TBC1D4: variants seen among roughly 807,000 people sequenced by gnomAD.
The protein encoded by TBC1D4 is TBC (Tre-2, BUB2, CDC16) domain-containing protein.
TBC1D4 carries 121 observed loss-of-function variants against 142.5 expected under a neutral mutation model. The ratio of observed to expected loss-of-function variants is 0.85; its 90% CI spans 0.73 to 0.99. The LOEUF is 0.99. Among genes scored for constraint, TBC1D4 ranks in the 50% least tolerant of loss-of-function variants. The pLI, the probability that TBC1D4 is intolerant of heterozygous loss-of-function variation, is 0.00. For synonymous variants in TBC1D4, 630 were observed against 628.2 expected, an observed-to-expected ratio of 1.00 and a Z score of -0.04; for missense variants, 1,475 against 1,606.6, an observed-to-expected ratio of 0.92 and a Z score of 1.40.
intron 1 of TBC1D4, among the ~76,000 whole-genome samples, chr13:75,399,423 C>T (rs1472459694): frequency 2.0e-5 from 3 of 152,102 alleles, no homozygotes; most frequent in Non-Finnish European, 4.4e-5. Flanking sequence ...GTCTACTGGG[C>T]TTATATCATC....
chr13:75,446,205 A>G (rs1887277243), intron 1 of TBC1D4, among the ~76,000 whole-genome samples: 1 of 152,204 alleles, frequency 6.6e-6, no homozygotes, highest in Non-Finnish European at 1.5e-5. Context: ...CCCATATGCT[A>G]TTTGCTGGAA....
At chr13:75,340,061 T>C (rs1273870813) in intron 7 of TBC1D4, among the ~76,000 whole-genome samples, 2 of 152,242 alleles carry the variant, frequency 1.3e-5, no homozygotes, top group Non-Finnish European at 2.9e-5. Flanking sequence ...CTTTATTCTA[T>C]GTATCTATTG....
chr13:75,422,053 C>A (rs1262184325), intron 1 of TBC1D4, among the ~76,000 whole-genome samples: 1 of 152,172 alleles, frequency 6.6e-6, no homozygotes, highest in Non-Finnish European at 1.5e-5. Flanking sequence ...CTTGGCCTCC[C>A]AAAGTGCCGA....
Position 75,481,644 on chromosome 13 carries a change from C to A in TBC1D4, c.124G>T (p.Gly42Trp). Residue 42 changes from glycine to tryptophan, a missense_variant, in exon 1 of 21, where the codon GGG becomes TGG. Physicochemically the swap from Gly to Trp is radical, Grantham distance 184. This residue lies in a region of TBC1D4 where 1,227 missense variants were observed against 1,267.7 expected (regional missense o/e 0.97). Coordinates refer to ENST00000377636, the MANE Select transcript of TBC1D4 (RefSeq NM_014832.5). ...GTCCTGTGGTCCAGGCACGACCCCC[C>A]AACGTACCACAGCCGGAACCGCTTA... ...SDKRFRLWYV[G>W]GSCLDHRTTL... 6.2e-7 allele frequency: 1 copy of A among 1,605,062 alleles called. No homozygotes were observed. Among genetic ancestry groups the A allele is most frequent in the Non-Finnish European group, 8.5e-7 (1 of 1,175,890 alleles).
chr13:75,432,933 C>G (rs1275857782), intron 1 of TBC1D4, among the ~76,000 whole-genome samples: 1 of 145,812 alleles, frequency 6.9e-6, no homozygotes, highest in Non-Finnish European at 1.5e-5. Flanking sequence ...CAGACCGAGA[C>G]TGACTCAAAA....
intron 1 of TBC1D4, among the ~76,000 whole-genome samples, chr13:75,442,238 C>A (rs1189578175): frequency 6.6e-6 from 1 of 152,130 alleles, no homozygotes. Flanking sequence ...ACCTCAGTTT[C>A]TTCATCTGTG....
At chr13:75,457,568 A>G (rs1887789867) in intron 1 of TBC1D4, among the ~76,000 whole-genome samples, 1 of 152,256 alleles carries the variant, frequency 6.6e-6, no homozygotes, top group Non-Finnish European at 1.5e-5. Flanking sequence ...CTCTCAAAGT[A>G]GGAACCGGAG....
Position 75,362,241 on chromosome 13 carries a change from G to GGGCA in TBC1D4, c.861_864dup (p.Leu289CysfsTer11). On this transcript the variant is annotated frameshift_variant, in exon 2 of 21. Transcript: ENST00000377636. LOFTEE classifies it high-confidence loss of function. The surrounding 1 kb of genome is among the most constrained non-coding windows in gnomAD (Gnocchi z 4.2). Reference sequence around the variant, plus strand: ...GGGAAGCAGACCCGAGAGCTGGTCAGGGCAGGCTGGCTGGCCCCGGCAGGT... The same window carrying GGGCA: ...GGGAAGCAGACCCGAGAGCTGGTCAGGGCAGGCAGGCTGGCTGGCCCCGGCAGGT... The GGGCA allele has an allele frequency of 6.2e-7, 1 of 1,613,876 alleles. No homozygotes were observed. The highest frequency in any genetic ancestry group is 1.1e-5 in the South Asian group (1 of 91,090).
intron 1 of TBC1D4, among the ~76,000 whole-genome samples, chr13:75,372,729 T>C (rs1223824954): frequency 6.6e-6 from 1 of 152,208 alleles, no homozygotes; most frequent in Non-Finnish European, 1.5e-5. Context: ...GTTTATAAAA[T>C]ATTATTACTA....
chr13:75,363,673 C>G (rs1006252964), intron 1 of TBC1D4, among the ~76,000 whole-genome samples: 2 of 152,178 alleles, frequency 1.3e-5, no homozygotes, highest in African/African-American at 4.8e-5. Flanking sequence ...CCTAACCACC[C>G]TGGGGACATG....
intron 1 of TBC1D4, among the ~76,000 whole-genome samples, chr13:75,474,087 A>C (rs529136553): frequency 5.9e-5 from 9 of 152,370 alleles, no homozygotes; most frequent in Admixed American, 5.2e-4. Flanking sequence ...TAAAATGGAA[A>C]GTACATACTG....
At chr13:75,287,887 G>A (rs1453356511) in intron 20 of TBC1D4, among the ~76,000 whole-genome samples, 1 of 152,030 alleles carries the variant, frequency 6.6e-6, no homozygotes, top group East Asian at 1.9e-4. Flanking sequence ...GGAGGAGTAA[G>A]TGGAAACCGA....
intron 1 of TBC1D4, chr13:75,366,804 A>T: frequency 2.9e-6 from 1 of 342,156 alleles, no homozygotes; most frequent in Non-Finnish European, 4.1e-6. Flanking sequence ...ACTACATTTT[A>T]CCTGATTTCA....
intron 1 of TBC1D4, among the ~76,000 whole-genome samples, chr13:75,439,394 T>G (rs1179679253): frequency 6.6e-6 from 1 of 152,204 alleles, no homozygotes; most frequent in Non-Finnish European, 1.5e-5. Flanking sequence ...ATGCTTGCTC[T>G]TTTAAACTTG....
intron 12 of TBC1D4, among the ~76,000 whole-genome samples, chr13:75,313,121 T>G (rs1877953592): frequency 1.3e-5 from 2 of 152,194 alleles, no homozygotes; most frequent in Admixed American, 6.5e-5. Context: ...CTCCCCTGTT[T>G]CTACTCATTC....
chr13:75,311,486 CTGT>C (rs1566365509), intron 13 of TBC1D4, among the ~76,000 whole-genome samples: 1 of 151,870 alleles, frequency 6.6e-6, no homozygotes, highest in Non-Finnish European at 1.5e-5. Flanking sequence ...ATACGTTTTA[CTGT>C]TGTTGTTTTA....
intron 9 of TBC1D4, 53 bp downstream of exon 9, chr13:75,327,699 C>A (rs1290998439): frequency 2.6e-6 from 4 of 1,530,546 alleles, no homozygotes; most frequent in Non-Finnish European, 3.6e-6. Context: ...ATTACCATAT[C>A]GGTGCTGACT....
At chr13:75,433,142 T>C (rs555630361) in intron 1 of TBC1D4, among the ~76,000 whole-genome samples, 5 of 152,310 alleles carry the variant, frequency 3.3e-5, no homozygotes, top group Admixed American at 3.3e-4. Flanking sequence ...TTACCATGCA[T>C]GAGTCATTTT....
chr13:75,427,404 A>T (rs1239278769), intron 1 of TBC1D4, among the ~76,000 whole-genome samples: 1 of 152,218 alleles, frequency 6.6e-6, no homozygotes, highest in African/African-American at 2.4e-5. Context: ...AGATGGGTGC[A>T]GTGGCTTATG....
Sources: allele counts gnomAD v4.1 joint callset (sites outside exome capture counted in the v4.1 genomes callset), GRCh38; gene constraint gnomAD v4.1.1; regional missense constraint gnomAD v4.1.1; non-coding constraint Gnocchi (gnomAD v3.1); transcripts MANE v1.5; gene names NCBI Gene and HGNC (gene_info 2026-07-23, HGNC 2026-07-21).